Variants in ATP10B observed in about 807,000 individuals in gnomAD.
ATP10B encodes phospholipid-transporting ATPase VB.
ATP10B carries 122 observed loss-of-function variants against 141.2 expected under a neutral mutation model. The observed-to-expected ratio is 0.86, with a 90% CI of 0.75 to 1.00. The LOEUF (loss-of-function observed/expected upper bound fraction) is 1.00. ATP10B is among the 50% of genes least tolerant of loss of function. The probability of loss-of-function intolerance (pLI) is 0.00; values close to 1 mark genes in which losing one functional copy is unlikely to be tolerated. For synonymous variants in ATP10B, 685 were observed against 692.0 expected (o/e 0.99, Z 0.16); for missense variants, 1,876 against 1,825.3 (o/e 1.03, Z -0.51).
intron 1 of ATP10B, among the ~76,000 whole-genome samples, chr5:160,813,245 G>A (rs935907666): frequency 6.6e-6 from 1 of 152,240 alleles, no homozygotes; most frequent in Admixed American, 6.5e-5. Context: ...CAAAGAAAGG[G>A]GTGACAGATG....
intron 3 of ATP10B, among the ~76,000 whole-genome samples, chr5:160,706,049 G>C (rs1764994205): frequency 6.6e-6 from 1 of 152,214 alleles, no homozygotes; most frequent in South Asian, 2.1e-4. Context: ...CTGGATGGTA[G>C]AGTAGTCAGG....
rs1006072114 is a variant in ATP10B at position 160,649,366 on chromosome 5, G to A, written c.676-110C>T. 7 of 756,788 alleles carry A rather than the reference G, an allele frequency of 9.2e-6. No homozygotes were observed. The African/African-American group carries it at 1.2e-4, about 13-fold the overall frequency. The allele number at this position is 756,788 out of a possible 1,614,324, so 46.9% of individuals were successfully genotyped here. A position where few individuals can be genotyped will look rare whatever the true frequency, so the allele number is the denominator to read the frequency against. ...AACCATTGCAAATAAGGTAATCCAT[G>A]CTTTGTCACACTTTGATAGTTGTAA... On this transcript the variant is annotated intron_variant, in intron 7 of 25. Transcript: ENST00000327245.
chr5:160,580,563 C>T (rs529231666), intron 24 of ATP10B, among the ~76,000 whole-genome samples: 3 of 152,228 alleles, frequency 2.0e-5, no homozygotes, highest in East Asian at 3.9e-4. Flanking sequence ...TTTGGTTTGC[C>T]AGTATTTTAT....
chr5:160,618,180 A>T (rs1485296260), intron 15 of ATP10B, among the ~76,000 whole-genome samples: 1 of 152,208 alleles, frequency 6.6e-6, no homozygotes, highest in African/African-American at 2.4e-5. Flanking sequence ...TCTGCTCTCT[A>T]CATCTTTTCA....
At position 160,583,093 on chromosome 5, in the gene ATP10B, C is replaced by G. The variant is rs1262035539; in HGVS notation, c.3750+6499G>C. The stretch of plus-strand genomic sequence containing the variant: ...AGCCTACTTCTGTCAATTCATCAAA[C>G]TCATTCTCCATCCAGTTTTGTTCCC... On this transcript the variant is annotated intron_variant, in intron 24 of 25. Transcript: ENST00000327245. Among the ~76,000 whole-genome samples the G allele has an allele frequency of 7.2e-5, 11 of 152,284 alleles. No individual in the cohort carries two copies. The South Asian group carries it at 8.3e-4, about 11-fold the overall frequency.
At chr5:160,571,497 A>C (rs1179801093) in intron 24 of ATP10B, among the ~76,000 whole-genome samples, 1 of 152,070 alleles carries the variant, frequency 6.6e-6, no homozygotes, top group African/African-American at 2.4e-5. Context: ...TTTTCCTTTA[A>C]TTTATATTTG....
At chr5:160,675,546 A>G (rs1411468292) in intron 6 of ATP10B, among the ~76,000 whole-genome samples, 1 of 152,298 alleles carries the variant, frequency 6.6e-6, no homozygotes, top group East Asian at 1.9e-4. Context: ...GTTTCAGGCA[A>G]CTAGAGTAGA....
intron 7 of ATP10B, among the ~76,000 whole-genome samples, chr5:160,669,976 G>C (rs1762575745): frequency 6.7e-6 from 1 of 148,750 alleles, no homozygotes; most frequent in Non-Finnish European, 1.5e-5. Context: ...AAGCACTGTT[G>C]AGAAGTTAAG....
intron 8 of ATP10B, 54 bp downstream of exon 8, chr5:160,649,117 T>C: frequency 7.6e-7 from 1 of 1,313,380 alleles, no homozygotes; most frequent in Non-Finnish European, 1.1e-6. Context: ...AGACAATATA[T>C]TTTCTAGCTG....
At position 160,767,641 on chromosome 5, in the gene ATP10B, C is replaced by CCCGCCG. The variant is rs112811888; in HGVS notation, c.-331+17917_-331+17918insCGGCGG. Among the ~76,000 whole-genome samples the CCCGCCG allele has an allele frequency of 3.5e-5, 4 of 114,078 alleles. 1 individual carries two copies. Among genetic ancestry groups the CCCGCCG allele is most frequent in the South Asian group, 3.4e-4 (1 of 2,952 alleles). The allele number at this position is 114,078 out of a possible 152,430, so 74.8% of individuals were successfully genotyped here. ...TGAGGGTCATGTGTGCAGAACCCCC[C>CCCGCCG]CCCCCAAAATAACAGGTTACTCTGA... On this transcript the variant is annotated intron_variant, in intron 2 of 25. Coordinates refer to ENST00000327245, the MANE Select transcript of ATP10B (RefSeq NM_025153.3).
the ATP10B span, among the ~76,000 whole-genome samples, chr5:160,863,669 C>A: frequency 2.0e-5 from 3 of 151,812 alleles, no homozygotes; most frequent in African/African-American, 7.2e-5. Flanking sequence ...AAAATGATTT[C>A]TTTGAAAAGA....
rs200879991 is a variant in ATP10B, at chr5:160,632,362, G to C, written c.1387C>G (p.Arg463Gly). ...SEYSHQENAK[R>G]LETPKELDSD... ...TCCAGCTCCTTTGGGGTCTCCAGTCGCTTAGCTGCAAGAAAGGAGTCCTGT... is the reference window on the plus strand; with the variant it reads ...TCCAGCTCCTTTGGGGTCTCCAGTCCCTTAGCTGCAAGAAAGGAGTCCTGT... Residue 463 changes from arginine to glycine, a missense_variant, in exon 13 of 26, where the codon CGA becomes GGA. By Grantham distance (125) the Arg-to-Gly change is moderately radical. Coordinates refer to ENST00000327245, the MANE Select transcript of ATP10B (RefSeq NM_025153.3). 6.2e-7 allele frequency: 1 copy of C among 1,613,924 alleles called. No homozygotes were observed. The highest frequency in any genetic ancestry group is 8.5e-7 in the Non-Finnish European group (1 of 1,179,848).
At position 160,603,998 on chromosome 5, in the gene ATP10B, A is replaced by C. The variant is rs758831971; in HGVS notation, c.3204T>G (p.Ile1068Met). ...NDVSMIQAAD[I>M]GIGISGQEGM... ...CTTCCTGTCCAGATATTCCAATTCC[A>C]ATATCAGCAGCTTGAATCATGCTTA... Residue 1068 changes from isoleucine (I) to methionine (M), a missense_variant, in exon 20 of 26, where the codon ATT becomes ATG. Ile to Met is a conservative substitution (Grantham distance 10). Transcript: ENST00000327245. 1 of 1,613,968 alleles carries C rather than the reference A, an allele frequency of 6.2e-7. No individual in the cohort carries two copies. The highest frequency in any genetic ancestry group is 1.3e-5 in the African/African-American group (1 of 75,046).
At chr5:160,653,886 T>A (rs1431410774) in intron 7 of ATP10B, among the ~76,000 whole-genome samples, 2 of 107,074 alleles carry the variant, frequency 1.9e-5, no homozygotes, top group Admixed American at 2.5e-4. Context: ...TATACATATA[T>A]AAATATATGT....
intron 2 of ATP10B, among the ~76,000 whole-genome samples, chr5:160,744,633 C>T (rs1767684418): frequency 6.6e-6 from 1 of 152,178 alleles, no homozygotes; most frequent in Non-Finnish European, 1.5e-5. Flanking sequence ...TAGAGTAACA[C>T]TTGGGATATT....
chr5:160,578,261 T>C (rs1208853880), intron 24 of ATP10B, among the ~76,000 whole-genome samples: 1 of 152,182 alleles, frequency 6.6e-6, no homozygotes, highest in African/African-American at 2.4e-5. Flanking sequence ...GTTTGTTACG[T>C]AGGCATACAC....
chr5:160,796,117 A>G (rs1004796268), intron 1 of ATP10B, among the ~76,000 whole-genome samples: 7 of 152,132 alleles, frequency 4.6e-5, no homozygotes, highest in African/African-American at 1.7e-4. Context: ...TAGAGTAAAA[A>G]CAGATATGGA....
the ATP10B span, among the ~76,000 whole-genome samples, chr5:160,926,239 T>C: frequency 6.6e-6 from 1 of 152,214 alleles, no homozygotes; most frequent in Non-Finnish European, 1.5e-5. Flanking sequence ...GATATTGCTA[T>C]TATCTCTATC....
intron 2 of ATP10B, among the ~76,000 whole-genome samples, chr5:160,771,115 G>A (rs563507778): frequency 6.6e-6 from 1 of 152,320 alleles, no homozygotes; most frequent in African/African-American, 2.4e-5. Flanking sequence ...ACCCTCAGAA[G>A]TATGCACAGT....
Sources: allele counts gnomAD v4.1 joint callset (sites outside exome capture counted in the v4.1 genomes callset), GRCh38; gene constraint gnomAD v4.1.1; transcripts MANE v1.5; gene names NCBI Gene and HGNC (gene_info 2026-07-23, HGNC 2026-07-21).